CHLSN: variants seen among roughly 807,000 people sequenced by gnomAD.
CHLSN encodes cholesin, also known as protein cholesin.
chr7:992,266 G>A, the CHLSN span, among the ~76,000 whole-genome samples: 5 of 152,320 alleles, frequency 3.3e-5, no homozygotes, highest in East Asian at 5.8e-4. Flanking sequence ...CTGCTTCTGG[G>A]TCTGAGGCTG....
the CHLSN span, among the ~76,000 whole-genome samples, chr7:1,065,165 A>G: frequency 6.6e-6 from 1 of 152,216 alleles, no homozygotes; most frequent in Non-Finnish European, 1.5e-5. Context: ...CCAAGGCTGG[A>G]CAGGCTGGCT....
chr7:1,109,259 G>C, the CHLSN span: 1 of 152,184 alleles, frequency 6.6e-6, no homozygotes, highest in Non-Finnish European at 1.5e-5. Context: ...ATTGACAGAA[G>C]TTCCATATAT....
the CHLSN span, chr7:1,127,447 T>G: frequency 2.7e-6 from 4 of 1,487,272 alleles, no homozygotes; most frequent in African/African-American, 4.3e-5. Context: ...TCATGTAAGA[T>G]TTTTAAATAA....
chr7:1,092,401 G>A, the CHLSN span: 127 of 1,603,884 alleles, frequency 7.9e-5, no homozygotes, highest in Middle Eastern at 1.8e-4. Flanking sequence ...GGGCTTCATC[G>A]TGCCCTTCGC....
chr7:1,122,843 G>A, the CHLSN span, among the ~76,000 whole-genome samples: 8 of 152,168 alleles, frequency 5.3e-5, no homozygotes, highest in Non-Finnish European at 8.8e-5. Flanking sequence ...GGCCCAAGGC[G>A]CCAACCCCAG....
At chr7:994,780 A>G in the CHLSN span, among the ~76,000 whole-genome samples, 2 of 152,234 alleles carry the variant, frequency 1.3e-5, no homozygotes, top group Non-Finnish European at 2.9e-5. Flanking sequence ...ACACCTGCAC[A>G]CACTTGCATA....
At chr7:1,060,292 T>C in the CHLSN span, among the ~76,000 whole-genome samples, 2 of 152,110 alleles carry the variant, frequency 1.3e-5, no homozygotes, top group Admixed American at 6.5e-5. Flanking sequence ...CCCCCCAAGT[T>C]TGCGGCAAAT....
chr7:1,116,686 T>C, the CHLSN span, among the ~76,000 whole-genome samples: 1 of 48,646 alleles, frequency 2.1e-5, no homozygotes, highest in Non-Finnish European at 3.4e-5. Context: ...GATGATGACA[T>C]CACTACAGCT....
At chr7:1,018,940 G>A in the CHLSN span, among the ~76,000 whole-genome samples, 1 of 152,302 alleles carries the variant, frequency 6.6e-6, no homozygotes, top group South Asian at 2.1e-4. Flanking sequence ...AAGAACTGGG[G>A]AGTGGTCCGG....
the CHLSN span, among the ~76,000 whole-genome samples, chr7:1,031,236 C>T: frequency 1.3e-5 from 2 of 152,224 alleles, no homozygotes; most frequent in East Asian, 3.8e-4. Flanking sequence ...CATTGAGAGG[C>T]TATGCTGAGG....
chr7:1,002,053 G>C, the CHLSN span, among the ~76,000 whole-genome samples: 1 of 134,608 alleles, frequency 7.4e-6, no homozygotes. Flanking sequence ...GGAGTCCTGC[G>C]GGTGGGGAGT....
At chr7:993,139 C>CG in the CHLSN span, among the ~76,000 whole-genome samples, 3 of 152,154 alleles carry the variant, frequency 2.0e-5, no homozygotes, top group Non-Finnish European at 4.4e-5. Context: ...GTGAAACCCA[C>CG]GCAGCCAGCA....
the CHLSN span, among the ~76,000 whole-genome samples, chr7:1,082,988 C>T: frequency 2.6e-3 from 390 of 152,328 alleles, 1 homozygote; most frequent in Non-Finnish European, 4.4e-3. Context: ...TGGCAGTGAC[C>T]GAGGTGGGGC....
chr7:1,037,413 C>A, the CHLSN span, among the ~76,000 whole-genome samples: 1 of 126,998 alleles, frequency 7.9e-6, no homozygotes, highest in African/African-American at 3.0e-5. Flanking sequence ...CGCCGCCACG[C>A]CTGACTGGTT....
chr7:1,050,775 C>T, the CHLSN span, among the ~76,000 whole-genome samples: 1 of 152,212 alleles, frequency 6.6e-6, no homozygotes, highest in African/African-American at 2.4e-5. Context: ...GTAGATGACA[C>T]AGAGGCACAG....
the CHLSN span, chr7:985,140 G>A: frequency 3.6e-5 from 57 of 1,601,272 alleles, no homozygotes; most frequent in South Asian, 1.6e-4. Context: ...GGGCCTGGAC[G>A]TGCCTGAGGC....
chr7:1,099,391 C>T, the CHLSN span, among the ~76,000 whole-genome samples: 2 of 152,268 alleles, frequency 1.3e-5, no homozygotes, highest in South Asian at 4.1e-4. Flanking sequence ...ACACTCCACA[C>T]ACACTTCGTT....
At chr7:1,000,809 G>T in the CHLSN span, among the ~76,000 whole-genome samples, 1 of 152,198 alleles carries the variant, frequency 6.6e-6, no homozygotes, top group South Asian at 2.1e-4. Context: ...GCTCACCACT[G>T]ACCCCAAGTC....
chr7:986,427 G>A, the CHLSN span: 5 of 631,222 alleles, frequency 7.9e-6, no homozygotes, highest in Admixed American at 3.1e-5. Flanking sequence ...GTCCCCTTCC[G>A]GGACACGGAC....
Sources: gnomAD v4.1 joint callset for allele counts (sites outside exome capture counted in the v4.1 genomes callset) on GRCh38, gnomAD v4.1.1 for gene constraint, MANE v1.5 for transcripts, NCBI Gene and HGNC (gene_info 2026-07-23, HGNC 2026-07-21) for gene names.